MACROD2: variants seen among roughly 807,000 people sequenced by gnomAD.
MACROD2 encodes ADP-ribose glycohydrolase MACROD2.
Under a neutral mutation model 70.4 loss-of-function variants are expected in MACROD2, and 36 were observed. That is an observed-to-expected ratio of 0.51 (90% CI 0.39 to 0.68). MACROD2 has a LOEUF of 0.68. Ranked by LOEUF, MACROD2 falls within the 30% of genes least tolerant of loss-of-function variation. MACROD2 has a pLI of 0.00. For synonymous variants in MACROD2, 172 were observed against 178.8 expected (o/e 0.96, Z 0.30); for missense variants, 496 against 538.4 (o/e 0.92, Z 0.78).
chr20:15,578,182 A>C (rs2048474502), intron 8 of MACROD2, among the ~76,000 whole-genome samples: 1 of 152,188 alleles, frequency 6.6e-6, no homozygotes, highest in East Asian at 1.9e-4. Flanking sequence ...GATCACAGGT[A>C]AATAGACACA....
At chr20:14,864,145 A>G (rs1404872783) in intron 5 of MACROD2, among the ~76,000 whole-genome samples, 1 of 152,154 alleles carries the variant, frequency 6.6e-6, no homozygotes, top group African/African-American at 2.4e-5. Flanking sequence ...ATTTTAAAAT[A>G]TGTTTTATAA....
chr20:16,046,466 G>C (rs547440395), intron 17 of MACROD2, among the ~76,000 whole-genome samples: 1 of 151,782 alleles, frequency 6.6e-6, no homozygotes, highest in Non-Finnish European at 1.5e-5. Context: ...GCTCCTCAGT[G>C]TTTCCTTTCC....
intron 1 of MACROD2, among the ~76,000 whole-genome samples, chr20:13,999,966 A>G (rs2052710352): frequency 6.6e-6 from 1 of 152,182 alleles, no homozygotes; most frequent in Admixed American, 6.5e-5. Context: ...GTGAGCTGAT[A>G]TCGCGCTACT....
At chr20:14,239,162 A>G (rs1030638072) in intron 3 of MACROD2, among the ~76,000 whole-genome samples, 3 of 152,172 alleles carry the variant, frequency 2.0e-5, no homozygotes, top group Non-Finnish European at 4.4e-5. Context: ...AATACAGTTA[A>G]CTATAGAGGT....
Position 15,322,978 on chromosome 20 carries a change from CCTGTGGTTGTGG to C in MACROD2, c.540+92920_540+92931del, listed in dbSNP as rs573801994. The stretch of plus-strand genomic sequence containing the variant: ...TGGTCCTGCCTCTCTGTCAGTGAGC[CCTGTGGTTGTGG>C]CTAAGTTGTTCCATGGTCTCTAATG... On this transcript the variant is annotated intron_variant, in intron 6 of 17. Coordinates refer to ENST00000684519, the MANE Select transcript of MACROD2 (RefSeq NM_001351661.2). 7.6e-4 allele frequency among the ~76,000 whole-genome samples: 109 copies of C among 143,730 alleles called. 7 individuals carry two copies. The highest frequency in any genetic ancestry group is 2.7e-3 in the African/African-American group (107 of 40,322). The allele number at this position is 143,730 out of a possible 152,430, so 94.3% of individuals were successfully genotyped here.
intron 2 of MACROD2, among the ~76,000 whole-genome samples, chr20:14,020,925 C>T (rs2053067563): frequency 6.6e-6 from 1 of 150,728 alleles, no homozygotes; most frequent in Non-Finnish European, 1.5e-5. Context: ...GAGCATGAAT[C>T]TTGCTTGGTC....
At chr20:15,548,830 A>G (rs2048058932) in intron 8 of MACROD2, among the ~76,000 whole-genome samples, 1 of 152,210 alleles carries the variant, frequency 6.6e-6, no homozygotes, top group Non-Finnish European at 1.5e-5. Flanking sequence ...GTAAAACGTT[A>G]TACTACTCTG....
In MACROD2 at chr20:15,314,945, T is replaced by A. The variant is rs1248058826; in HGVS notation, c.540+84884T>A. ...CAACTCATGCTGATTGCTAGGCCAA[T>A]GCAAGCAGGAAGTGAAGGTTAAGAC... On this transcript the variant is annotated intron_variant, in intron 6 of 17. Coordinates refer to ENST00000684519, the MANE Select transcript of MACROD2 (RefSeq NM_001351661.2). Among the ~76,000 whole-genome samples, 3 of 152,184 alleles carry A rather than the reference T, an allele frequency of 2.0e-5. No individual in the cohort carries two copies. In the East Asian group the frequency reaches 5.8e-4, roughly 29 times the overall value.
intron 8 of MACROD2, among the ~76,000 whole-genome samples, chr20:15,651,641 G>A (rs530715930): frequency 4.6e-5 from 7 of 152,032 alleles, no homozygotes; most frequent in East Asian, 1.9e-4. Flanking sequence ...CAGTGACTCC[G>A]CTTTCAATCC....
At chr20:14,374,301 C>T (rs533226680) in intron 3 of MACROD2, among the ~76,000 whole-genome samples, 1 of 152,198 alleles carries the variant, frequency 6.6e-6, no homozygotes, top group South Asian at 2.1e-4. Flanking sequence ...GACCTTAATT[C>T]CCAGGAAACT....
chr20:14,609,232 A>G (rs1983006104), intron 4 of MACROD2, among the ~76,000 whole-genome samples: 1 of 103,282 alleles, frequency 9.7e-6, no homozygotes, highest in East Asian at 2.2e-4. Context: ...AGAAACAGAG[A>G]GCGTCATAAC....
At chr20:15,784,944 CGA>C (rs1261141233) in intron 8 of MACROD2, among the ~76,000 whole-genome samples, 2 of 151,736 alleles carry the variant, frequency 1.3e-5, no homozygotes, top group African/African-American at 4.8e-5. Context: ...GTCAGGAGAT[CGA>C]GACCATCCTG....
At chr20:14,500,076 G>T (rs2084899605) in intron 4 of MACROD2, among the ~76,000 whole-genome samples, 1 of 152,168 alleles carries the variant, frequency 6.6e-6, no homozygotes, top group African/African-American at 2.4e-5. Flanking sequence ...ATGAGTAGTA[G>T]TTTTCAGGAA....
chr20:14,259,500 A>C (rs1198473195), intron 3 of MACROD2, among the ~76,000 whole-genome samples: 1 of 152,138 alleles, frequency 6.6e-6, no homozygotes. Context: ...TATGCTATTT[A>C]CTGCAAGGGA....
At chr20:14,969,336 A>G (rs1029253569) in intron 5 of MACROD2, among the ~76,000 whole-genome samples, 1 of 149,946 alleles carries the variant, frequency 6.7e-6, no homozygotes, top group Non-Finnish European at 1.5e-5. Flanking sequence ...AAAGTAAAGC[A>G]ATTTAAAAGC....
intron 6 of MACROD2, among the ~76,000 whole-genome samples, chr20:15,242,328 C>T (rs914485115): frequency 2.0e-5 from 3 of 152,186 alleles, no homozygotes; most frequent in African/African-American, 7.2e-5. Flanking sequence ...TGGCATATTA[C>T]ATTAATTGTT....
chr20:14,604,883 C>G (rs1173151872), intron 4 of MACROD2, among the ~76,000 whole-genome samples: 1 of 152,112 alleles, frequency 6.6e-6, no homozygotes, highest in Admixed American at 6.6e-5. Context: ...TTCAAGGGGC[C>G]AGGAAAATAA....
At chr20:14,473,203 T>C (rs2084550454) in intron 3 of MACROD2, among the ~76,000 whole-genome samples, 1 of 152,178 alleles carries the variant, frequency 6.6e-6, no homozygotes. Flanking sequence ...GTATTATTTA[T>C]TGTTAACTAC....
At chr20:15,954,795 C>T (rs1421861377) in intron 12 of MACROD2, among the ~76,000 whole-genome samples, 1 of 152,186 alleles carries the variant, frequency 6.6e-6, no homozygotes, top group African/African-American at 2.4e-5. Context: ...ATAATATCAG[C>T]AGCTAATATT....
Sources: allele counts gnomAD v4.1 joint callset (sites outside exome capture counted in the v4.1 genomes callset), GRCh38; gene constraint gnomAD v4.1.1; transcripts MANE v1.5; gene names NCBI Gene and HGNC (gene_info 2026-07-23, HGNC 2026-07-21).